The following PARD3B variants were observed in gnomAD, a reference collection of about 807,000 sequenced individuals.
PARD3B encodes the protein par-3 family cell polarity regulator beta.
In PARD3B, 103 loss-of-function variants were observed where a neutral mutation model predicts 130.2. The ratio of observed to expected loss-of-function variants is 0.79; its 90% CI spans 0.67 to 0.93. The LOEUF (loss-of-function observed/expected upper bound fraction) is 0.93. Among genes scored for constraint, PARD3B ranks in the 40% least tolerant of loss-of-function variants. PARD3B has a pLI of 0.00. For synonymous variants in PARD3B, 583 were observed against 553.2 expected, an observed-to-expected ratio of 1.05 and a Z score of -0.76; for missense variants, 1,609 against 1,499.2, an observed-to-expected ratio of 1.07 and a Z score of -1.21.
At chr2:205,026,123 A>G (rs1161267520) in intron 3 of PARD3B, among the ~76,000 whole-genome samples, 1 of 152,188 alleles carries the variant, frequency 6.6e-6, no homozygotes, top group Non-Finnish European at 1.5e-5. Context: ...TCTGATGGTA[A>G]CAATGCAATG....
At chr2:205,228,173 C>T (rs907575186) in intron 15 of PARD3B, among the ~76,000 whole-genome samples, 1 of 152,106 alleles carries the variant, frequency 6.6e-6, no homozygotes, top group Non-Finnish European at 1.5e-5. Context: ...CTGTGTTTTT[C>T]TATGTACTTA....
intron 3 of PARD3B, among the ~76,000 whole-genome samples, chr2:205,009,398 A>T (rs1448883769): frequency 6.6e-6 from 1 of 152,158 alleles, no homozygotes; most frequent in Non-Finnish European, 1.5e-5. Flanking sequence ...CCAGCCGGGC[A>T]TGGTGGCTCA....
chr2:205,281,255 T>G lies in PARD3B; in HGVS notation c.2186-19275T>G, dbSNP rs146039179. Among the ~76,000 whole-genome samples, 1 of 152,302 alleles carries G rather than the reference T, an allele frequency of 6.6e-6. No homozygotes were observed. The highest frequency in any genetic ancestry group is 1.9e-4 in the East Asian group (1 of 5,176). On this transcript the variant is annotated intron_variant, in intron 16 of 22. Coordinates refer to ENST00000406610, the MANE Select transcript of PARD3B (RefSeq NM_001302769.2). This position sits in a 1 kb window ranked among gnomAD's most constrained non-coding sequence, Gnocchi z 4.2. ...AAGACAAAAGGGTTGGGGATGATCA[T>G]GTTAAATAAACATCTACTTTAGCAT...
intron 20 of PARD3B, among the ~76,000 whole-genome samples, chr2:205,472,963 AAATGAATG>A (rs201322890): frequency 6.6e-6 from 1 of 151,942 alleles, no homozygotes; most frequent in Admixed American, 6.6e-5. Context: ...GTGAATGAAT[AAATGAATG>A]AATGAATGAA....
chr2:204,978,952 G>A (rs1692422288), intron 3 of PARD3B, among the ~76,000 whole-genome samples: 1 of 126,306 alleles, frequency 7.9e-6, no homozygotes, highest in Non-Finnish European at 1.6e-5. Flanking sequence ...GAGACAAAAT[G>A]AGACCCTGGC....
In PARD3B at chr2:205,321,620, A is replaced by G. The variant is rs965522466; in HGVS notation, c.2630+19919A>G. 1.1e-4 allele frequency among the ~76,000 whole-genome samples: 17 copies of G among 152,318 alleles called. No individual in the cohort carries two copies. Among genetic ancestry groups the G allele is most frequent in the African/African-American group, 3.4e-4 (14 of 41,560 alleles). Reference sequence around the variant, plus strand: ...AGTGTACTTTGAAGCTAGGACTATCACTGTATCATTTTATTATACTTTTGA... The same window carrying G: ...AGTGTACTTTGAAGCTAGGACTATCGCTGTATCATTTTATTATACTTTTGA... On this transcript the variant is annotated intron_variant, in intron 18 of 22. Coordinates refer to ENST00000406610, the MANE Select transcript of PARD3B (RefSeq NM_001302769.2). This position sits in a 1 kb window ranked among gnomAD's most constrained non-coding sequence, Gnocchi z 4.2.
intron 22 of PARD3B, among the ~76,000 whole-genome samples, chr2:205,599,488 A>T (rs1015714381): frequency 1.3e-5 from 2 of 152,222 alleles, no homozygotes; most frequent in Non-Finnish European, 2.9e-5. Flanking sequence ...GGAAGTCTTT[A>T]TTGCAAGACC....
chr2:204,620,001 C>T (rs1030018754), intron 1 of PARD3B, among the ~76,000 whole-genome samples: 1 of 151,874 alleles, frequency 6.6e-6, no homozygotes, highest in African/African-American at 2.4e-5. Context: ...GACTCATGCA[C>T]CTCTCTCTCT....
intron 15 of PARD3B, among the ~76,000 whole-genome samples, chr2:205,201,560 G>A (rs916235230): frequency 4.6e-5 from 7 of 152,248 alleles, no homozygotes; most frequent in Admixed American, 2.0e-4. Context: ...TTATAGGGCC[G>A]GGCACAGTGG....
At chr2:205,565,715 C>T (rs2053301749) in intron 22 of PARD3B, among the ~76,000 whole-genome samples, 1 of 152,114 alleles carries the variant, frequency 6.6e-6, no homozygotes, top group Non-Finnish European at 1.5e-5. Flanking sequence ...CTAGGAAAGT[C>T]ATCTACTCTC....
chr2:205,499,945 GA>G lies in PARD3B; in HGVS notation c.3095del (p.Glu1032GlyfsTer63), dbSNP rs1458368231. The G allele has an allele frequency of 1.9e-6, 3 of 1,613,814 alleles. No individual in the cohort carries two copies. In the African/African-American group the frequency reaches 4.0e-5, roughly 22 times the overall value. ...STDRIQKLRK[E>X]YYQARREGFP... is the part of the protein sequence containing the mutation. Reference sequence around the variant, plus strand: ...TGACCGTATCCAGAAGTTGCGGAAAGAGTATTATCAGGCTCGGAGGGAAGGT... The same window carrying G: ...TGACCGTATCCAGAAGTTGCGGAAAGGTATTATCAGGCTCGGAGGGAAGGT... On this transcript the variant is annotated frameshift_variant, in exon 21 of 23. Transcript: ENST00000406610. LOFTEE classifies it high-confidence loss of function.
intron 15 of PARD3B, among the ~76,000 whole-genome samples, chr2:205,201,637 A>G (rs2036995197): frequency 6.6e-6 from 1 of 152,210 alleles, no homozygotes; most frequent in South Asian, 2.1e-4. Context: ...CGGGAGTTCG[A>G]GACCAGCCTG....
chr2:205,307,218 AG>A (rs1309856421), intron 18 of PARD3B, among the ~76,000 whole-genome samples: 8 of 152,224 alleles, frequency 5.3e-5, no homozygotes, highest in Non-Finnish European at 1.0e-4. Flanking sequence ...AATAATATGT[AG>A]TAGCACAGTT....
At chr2:205,427,701 G>A (rs1238170495) in intron 19 of PARD3B, among the ~76,000 whole-genome samples, 3 of 151,984 alleles carry the variant, frequency 2.0e-5, no homozygotes, top group Non-Finnish European at 4.4e-5. Context: ...TGAAAAATAT[G>A]CCTTACATAT....
chr2:204,833,778 C>T (rs2043922926), intron 2 of PARD3B, among the ~76,000 whole-genome samples: 2 of 152,132 alleles, frequency 1.3e-5, no homozygotes, highest in Non-Finnish European at 1.5e-5. Context: ...TATAAACACC[C>T]AGCCTCAGGT....
intron 16 of PARD3B, among the ~76,000 whole-genome samples, chr2:205,247,292 T>C (rs2039612648): frequency 6.6e-6 from 1 of 152,248 alleles, no homozygotes; most frequent in African/African-American, 2.4e-5. Flanking sequence ...GTCACTCTTT[T>C]TAGATGAGAA....
At chr2:205,210,990 G>C (rs1445964207) in intron 15 of PARD3B, among the ~76,000 whole-genome samples, 1 of 152,054 alleles carries the variant, frequency 6.6e-6, no homozygotes, top group Non-Finnish European at 1.5e-5. Context: ...TACCCTCTCT[G>C]AAGTACATGC....
chr2:205,403,453 T>C (rs1479168522), intron 19 of PARD3B, among the ~76,000 whole-genome samples: 1 of 152,104 alleles, frequency 6.6e-6, no homozygotes, highest in Non-Finnish European at 1.5e-5. Context: ...ACCAGCACAC[T>C]GCTACAGGTC....
At chr2:204,708,710 A>G (rs146092963) in intron 2 of PARD3B, among the ~76,000 whole-genome samples, 1 of 152,318 alleles carries the variant, frequency 6.6e-6, no homozygotes, top group African/African-American at 2.4e-5. Context: ...GTACCAGAGT[A>G]ATTTTTTATG....
Sources: allele counts gnomAD v4.1 joint callset (sites outside exome capture counted in the v4.1 genomes callset), GRCh38; gene constraint gnomAD v4.1.1; non-coding constraint Gnocchi (gnomAD v3.1); transcripts MANE v1.5; gene names NCBI Gene and HGNC (gene_info 2026-07-23, HGNC 2026-07-21).